DHTKD1: variants seen among roughly 807,000 people sequenced by gnomAD.
The protein encoded by DHTKD1 is 2-oxoadipate dehydrogenase complex component E1.
In DHTKD1, 78 loss-of-function variants were observed where a neutral mutation model predicts 101.8. That is an observed-to-expected ratio of 0.77 (90% CI 0.64 to 0.93). The LOEUF is 0.93. Ranked by LOEUF, DHTKD1 falls within the 40% of genes least tolerant of loss-of-function variation. The pLI is 0.00. For synonymous variants in DHTKD1, 462 were observed against 450.3 expected (o/e 1.03, Z -0.33); for missense variants, 1,223 against 1,161.7 (o/e 1.05, Z -0.77).
chr10:12,115,886 G>A (rs1057398709), intron 13 of DHTKD1, among the ~76,000 whole-genome samples: 4 of 151,470 alleles, frequency 2.6e-5, no homozygotes, highest in East Asian at 1.9e-4. Context: ...CTCAGCCTCC[G>A]ACGTAGCTGG....
At chr10:12,095,289 A>G (rs1833049815) in intron 7 of DHTKD1, among the ~76,000 whole-genome samples, 1 of 152,194 alleles carries the variant, frequency 6.6e-6, no homozygotes, top group Admixed American at 6.6e-5. Flanking sequence ...CATATTTCAA[A>G]CACTTAGCAT....
chr10:12,084,585 T>C lies in DHTKD1; in HGVS notation c.356T>C (p.Leu119Ser). The C allele has an allele frequency of 1.9e-6, 3 of 1,613,560 alleles. No homozygotes were observed. The Admixed American group carries it at 5.0e-5, about 27-fold the overall frequency. ...GKEEASLEEV[L>S]VYLNQIYCGQ... The stretch of plus-strand genomic sequence containing the variant: ...GAAGAGGCCTCACTTGAGGAAGTGT[T>C]AGTCTATCTCAATCAAATCTACTGT... Residue 119 changes from leucine (L) to serine (S), a missense_variant, in exon 3 of 17, where the codon TTA (leucine) becomes TCA (serine). Leu to Ser is a moderately radical substitution (Grantham distance 145, BLOSUM62 -2). Coordinates refer to ENST00000263035, the MANE Select transcript of DHTKD1 (RefSeq NM_018706.7).
At chr10:12,077,578 C>T (rs1832753473) in intron 1 of DHTKD1, among the ~76,000 whole-genome samples, 1 of 152,136 alleles carries the variant, frequency 6.6e-6, no homozygotes, top group Non-Finnish European at 1.5e-5. Context: ...CATTCTTCTA[C>T]AATATTATTT....
intron 15 of DHTKD1, among the ~76,000 whole-genome samples, chr10:12,119,422 T>C (rs372601227): frequency 1.5e-4 from 23 of 151,072 alleles, no homozygotes; most frequent in East Asian, 7.8e-4. Context: ...AAGACCATCC[T>C]GGCTAACACA....
chr10:12,103,584 T>C lies in DHTKD1; in HGVS notation c.1896+2403T>C, dbSNP rs1055077097. Among the ~76,000 whole-genome samples the C allele has an allele frequency of 6.6e-6, 1 of 151,710 alleles. No individual in the cohort carries two copies. Among genetic ancestry groups the C allele is most frequent in the Non-Finnish European group, 1.5e-5 (1 of 67,952 alleles). The stretch of plus-strand genomic sequence containing the variant: ...AGGCTGGAGTCCCACAGTGCAATTA[T>C]AGCTCACTGTAGCCTCCAGCTCTTA... On this transcript the variant is annotated intron_variant, in intron 10 of 16. Coordinates refer to ENST00000263035, the MANE Select transcript of DHTKD1 (RefSeq NM_018706.7). The surrounding 1 kb of genome is among the most constrained non-coding windows in gnomAD (Gnocchi z 4.8).
intron 1 of DHTKD1, among the ~76,000 whole-genome samples, chr10:12,078,505 G>A (rs1018600992): frequency 1.1e-4 from 17 of 152,004 alleles, no homozygotes; most frequent in African/African-American, 4.1e-4. Context: ...CCAGCTACTT[G>A]GAGACTGAGG....
chr10:12,109,461 A>G (rs7897732), intron 12 of DHTKD1, among the ~76,000 whole-genome samples: 144,780 of 150,032 alleles, frequency 0.96, 70,098 homozygotes, highest in Middle Eastern at 1. Context: ...CGGAGTCATC[A>G]GCCACTAGAT....
At chr10:12,114,677 A>G (rs1310851087) in intron 13 of DHTKD1, among the ~76,000 whole-genome samples, 1 of 152,224 alleles carries the variant, frequency 6.6e-6, no homozygotes, top group Non-Finnish European at 1.5e-5. Flanking sequence ...ATTCAAGAAT[A>G]TCTTGTGCTG....
At chr10:12,100,581 C>G (rs1833154449) in intron 9 of DHTKD1, among the ~76,000 whole-genome samples, 1 of 152,088 alleles carries the variant, frequency 6.6e-6, no homozygotes, top group Admixed American at 6.6e-5. Flanking sequence ...AATTTTCTGT[C>G]TAGCTAGTAG....
intron 12 of DHTKD1, among the ~76,000 whole-genome samples, chr10:12,112,521 C>T (rs1564398015): frequency 1.3e-5 from 2 of 150,660 alleles, no homozygotes; most frequent in East Asian, 1.9e-4. Flanking sequence ...CACACACACA[C>T]ACACACACAA....
chr10:12,077,315 C>T (rs545608759), intron 1 of DHTKD1, among the ~76,000 whole-genome samples: 6 of 151,792 alleles, frequency 4.0e-5, no homozygotes, highest in Middle Eastern at 3.4e-3. Context: ...GCAACCTCTG[C>T]CTCCTGGGTT....
chr10:12,113,207 TTGTTTTTTGA>T, intron 13 of DHTKD1, 143 bp downstream of exon 13: 1 of 867,110 alleles, frequency 1.2e-6, no homozygotes, highest in Non-Finnish European at 1.7e-6. Context: ...ATTTTTTTTG[TTGTTTTTTGA>T]GACGCAGTCT....
intron 8 of DHTKD1, 56 bp from the exon 9 acceptor site, chr10:12,100,122 G>GA: frequency 9.3e-7 from 1 of 1,077,954 alleles, no homozygotes; most frequent in Admixed American, 2.4e-5. Context: ...TACTCATTGT[G>GA]AAAAAGGAAA....
chr10:12,096,590 T>A (rs769223857), intron 7 of DHTKD1, among the ~76,000 whole-genome samples: 63 of 152,198 alleles, frequency 4.1e-4, no homozygotes, highest in Admixed American at 3.2e-3. Flanking sequence ...GGTCTCGCCA[T>A]CTGCCCGTCT....
At position 12,103,328 on chromosome 10, in the gene DHTKD1, T is replaced by G. The variant is rs1169187784; in HGVS notation, c.1896+2147T>G. On this transcript the variant is annotated intron_variant, in intron 10 of 16. Transcript: ENST00000263035. The surrounding 1 kb of genome is among the most constrained non-coding windows in gnomAD (Gnocchi z 4.8). The stretch of plus-strand genomic sequence containing the variant: ...GTGAGAGTAGCTATATTTTCCTGAG[T>G]AGTGATCTGCCTTCATTGTCTAATA... 6.6e-6 allele frequency among the ~76,000 whole-genome samples: 1 copy of G among 152,084 alleles called. No homozygotes were observed. Among genetic ancestry groups the G allele is most frequent in the Non-Finnish European group, 1.5e-5 (1 of 68,034 alleles).
At chr10:12,113,168 T>G (rs771351375) in intron 13 of DHTKD1, 104 bp downstream of exon 13, 22 of 1,081,138 alleles carry the variant, frequency 2.0e-5, no homozygotes, top group Non-Finnish European at 2.9e-5. Context: ...AGAAACACCT[T>G]TTTAGTTTCA....
At chr10:12,089,284 G>C in intron 5 of DHTKD1, 29 bp downstream of exon 5, 2 of 1,601,572 alleles carry the variant, frequency 1.2e-6, no homozygotes, top group South Asian at 2.2e-5. Context: ...ATTGAGGCCA[G>C]AGGTGGGGAA....
At chr10:12,100,394 C>T (rs1833150453) in intron 9 of DHTKD1, 132 bp downstream of exon 9, 2 of 522,560 alleles carry the variant, frequency 3.8e-6, no homozygotes, top group South Asian at 4.7e-5. Context: ...TCTCCTGCCC[C>T]AGCCTCCCAA....
intron 12 of DHTKD1, among the ~76,000 whole-genome samples, chr10:12,108,250 C>T (rs1056182776): frequency 6.6e-6 from 1 of 152,120 alleles, no homozygotes; most frequent in South Asian, 2.1e-4. Context: ...TTATACCAGG[C>T]TGATCATCAG....
Sources: allele counts gnomAD v4.1 joint callset (sites outside exome capture counted in the v4.1 genomes callset), GRCh38; gene constraint gnomAD v4.1.1; non-coding constraint Gnocchi (gnomAD v3.1); transcripts MANE v1.5; gene names NCBI Gene and HGNC (gene_info 2026-07-23, HGNC 2026-07-21).